The following TSGA10IP variants were observed in gnomAD, a reference collection of about 807,000 sequenced individuals.
TSGA10IP encodes the protein testis specific 10 interacting protein.
TSGA10IP carries 64 observed loss-of-function variants against 63.2 expected under a neutral mutation model. That is an observed-to-expected ratio of 1.01 (90% confidence interval 0.83 to 1.25). The LOEUF (loss-of-function observed/expected upper bound fraction) is 1.25. Ranked by LOEUF, TSGA10IP falls within the 50% of genes most tolerant of loss-of-function variation. The pLI, the probability that TSGA10IP is intolerant of heterozygous loss-of-function variation, is 0.00. For synonymous variants in TSGA10IP, 316 were observed against 298.3 expected, an observed-to-expected ratio of 1.06 and a Z score of -0.61; for missense variants, 681 against 710.1, an observed-to-expected ratio of 0.96 and a Z score of 0.47.
At position 65,947,836 on chromosome 11, in the gene TSGA10IP, T is replaced by C; in HGVS notation, c.1003+8T>C. 1 of 1,541,316 alleles carries C rather than the reference T, an allele frequency of 6.5e-7. No homozygotes were observed. The highest frequency in any genetic ancestry group is 1.2e-5 in the South Asian group (1 of 82,716). Reference sequence around the variant, plus strand: ...AGAGAGACCTGGACTGTGGTGAGCGTGGGGCTCAGAGCCTGGATTCCCCCG... The same window carrying C: ...AGAGAGACCTGGACTGTGGTGAGCGCGGGGCTCAGAGCCTGGATTCCCCCG... On this transcript the variant is annotated splice_region_variant and intron_variant, in intron 3 of 7. Transcript: ENST00000532620.
At chr11:65,947,630 G>T in exon 3 of TSGA10IP, 4 of 1,613,566 alleles carry the variant, frequency 2.5e-6, no homozygotes, top group East Asian at 2.2e-5. Flanking sequence ...CAGAAGGAGG[G>T]CTGGTTGTCA....
At chr11:65,958,980 C>A (rs752717229) in exon 6 of TSGA10IP, 5 of 1,612,954 alleles carry the variant, frequency 3.1e-6, no homozygotes, top group Non-Finnish European at 4.2e-6. Flanking sequence ...GCAGGCTATG[C>A]AGGTGAGGCT....
At chr11:65,947,440 A>G in exon 3 of TSGA10IP, 1 of 1,613,688 alleles carries the variant, frequency 6.2e-7, no homozygotes, top group Non-Finnish European at 8.5e-7. Context: ...GGAGGAGGCC[A>G]GGATCAGGAT....
intron 5 of TSGA10IP, among the ~76,000 whole-genome samples, chr11:65,954,945 T>G (rs553278731): frequency 4.6e-5 from 7 of 152,322 alleles, no homozygotes; most frequent in Non-Finnish European, 7.4e-5. Flanking sequence ...AGGTCAGGTA[T>G]GCAAAGGTGG....
intron 4 of TSGA10IP, among the ~76,000 whole-genome samples, chr11:65,949,265 A>G (rs1854901473): frequency 6.6e-6 from 1 of 152,122 alleles, no homozygotes; most frequent in Non-Finnish European, 1.5e-5. Context: ...GACTGTTGGC[A>G]ACACTGAGGT....
At chr11:65,959,896 G>A in exon 8 of TSGA10IP, 1 of 1,612,392 alleles carries the variant, frequency 6.2e-7, no homozygotes, top group African/African-American at 1.3e-5. Context: ...CAGCCAGCCT[G>A]ACAGGCACTA....
intron 4 of TSGA10IP, among the ~76,000 whole-genome samples, chr11:65,950,784 G>A (rs188695391): frequency 0.014 from 2,069 of 152,084 alleles, 24 homozygotes; most frequent in South Asian, 0.026. Flanking sequence ...GGATGGTCTC[G>A]CTATCCTGAC....
intron 2 of TSGA10IP, 37 bp downstream of exon 2, chr11:65,947,053 G>T: frequency 6.2e-7 from 1 of 1,611,406 alleles, no homozygotes; most frequent in Non-Finnish European, 8.5e-7. Context: ...GGCTGTTGGG[G>T]GTCAGGGCCC....
intron 4 of TSGA10IP, among the ~76,000 whole-genome samples, chr11:65,948,994 C>CA (rs34925691): frequency 6.6e-6 from 1 of 150,850 alleles, no homozygotes; most frequent in African/African-American, 2.4e-5. Context: ...AACAAACGAA[C>CA]AAAAAACCCA....
At chr11:65,953,447 T>C in intron 4 of TSGA10IP, 120 bp from the exon 5 acceptor site, 1 of 1,329,286 alleles carries the variant, frequency 7.5e-7, no homozygotes, top group Non-Finnish European at 9.8e-7. Flanking sequence ...CCCAGGACAC[T>C]GGCTCTGGAC....
chr11:65,956,894 A>C (rs1237957216), intron 5 of TSGA10IP, among the ~76,000 whole-genome samples: 1 of 152,192 alleles, frequency 6.6e-6, no homozygotes, highest in African/African-American at 2.4e-5. Flanking sequence ...CAGGTGCAGC[A>C]AAAAGAGTGA....
chr11:65,959,075 T>C (rs529379170), intron 6 of TSGA10IP, 93 bp downstream of exon 6: 191 of 1,565,754 alleles, frequency 1.2e-4, no homozygotes, highest in South Asian at 3.8e-4. Context: ...TCCCTGCAGA[T>C]AGGATCCCAG....
At chr11:65,946,593 G>A (rs978246081) in intron 1 of TSGA10IP, among the ~76,000 whole-genome samples, 6 of 152,060 alleles carry the variant, frequency 3.9e-5, no homozygotes, top group African/African-American at 4.8e-5. Context: ...CACCACACTC[G>A]GCTAATTTTT....
chr11:65,957,439 T>C (rs1855043706), intron 5 of TSGA10IP, among the ~76,000 whole-genome samples: 1 of 152,202 alleles, frequency 6.6e-6, no homozygotes, highest in African/African-American at 2.4e-5. Context: ...TAGCATAAAG[T>C]ATCCAGCAGG....
rs529521545 is a variant in TSGA10IP, at chr11:65,956,328, G to C, written c.1323-2555G>C. Among the ~76,000 whole-genome samples the C allele has an allele frequency of 1.5e-4, 23 of 151,930 alleles. No individual in the cohort carries two copies. The East Asian group carries it at 2.1e-3, about 14-fold the overall frequency. ...AATTTTGTATTTTTAGTACAGACAG[G>C]GTTTCTCCATGTTGGTCAGGCTGGT... On this transcript the variant is annotated intron_variant, in intron 5 of 7. Transcript: ENST00000532620.
At chr11:65,955,598 G>C (rs1331017318) in intron 5 of TSGA10IP, among the ~76,000 whole-genome samples, 1 of 149,346 alleles carries the variant, frequency 6.7e-6, no homozygotes, top group Admixed American at 6.7e-5. Context: ...GGGTGACAGA[G>C]AAAGACTCCG....
chr11:65,946,418 C>CGGA (rs1854835090), intron 1 of TSGA10IP, among the ~76,000 whole-genome samples: 1 of 151,450 alleles, frequency 6.6e-6, no homozygotes, highest in African/African-American at 2.4e-5. Context: ...AGGTGGTGCT[C>CGGA]GGTCGGGTTT....
In TSGA10IP at chr11:65,947,404, G is replaced by GC. The variant is rs767478344; in HGVS notation, c.585dup (p.Ser196GlnfsTer28). 7 of 1,613,350 alleles carry GC rather than the reference G, an allele frequency of 4.3e-6. No individual in the cohort carries two copies. In the South Asian group the frequency reaches 7.7e-5, roughly 18 times the overall value. On this transcript the variant is annotated frameshift_variant, in exon 3 of 8. Transcript: ENST00000532620. LOFTEE classifies it high-confidence loss of function. Reference sequence around the variant, plus strand: ...CTGGCAAAGGGGAGCTAGGATCAGAGCCCCCCAGTGGTCTCCAGCTGCCTG... The same window carrying GC: ...CTGGCAAAGGGGAGCTAGGATCAGAGCCCCCCCAGTGGTCTCCAGCTGCCTG...
At chr11:65,957,693 A>G (rs1855048916) in intron 5 of TSGA10IP, among the ~76,000 whole-genome samples, 2 of 152,130 alleles carry the variant, frequency 1.3e-5, no homozygotes, top group African/African-American at 4.8e-5. Context: ...GCCCAGCACA[A>G]TCGCTGAGGT....
Sources: gnomAD v4.1 joint callset for allele counts (sites outside exome capture counted in the v4.1 genomes callset) on GRCh38, gnomAD v4.1.1 for gene constraint, MANE v1.5 for transcripts, NCBI Gene and HGNC (gene_info 2026-07-23, HGNC 2026-07-21) for gene names.